The following LRRC7 variants were observed in gnomAD, a reference collection of about 807,000 sequenced individuals.
LRRC7 encodes the protein leucine-rich repeat-containing protein 7.
Under a neutral mutation model 175.7 loss-of-function variants are expected in LRRC7, and 23 were observed. That is an observed-to-expected ratio of 0.13 (90% CI 0.09 to 0.19). LRRC7 has a LOEUF of 0.19. LRRC7 is among the 10% of genes least tolerant of loss of function. The pLI, the probability that LRRC7 is intolerant of heterozygous loss-of-function variation, is 1.00. For synonymous variants in LRRC7, 685 were observed against 680.9 expected (o/e 1.01, Z -0.09); for missense variants, 1,354 against 1,904.7 (o/e 0.71, Z 5.38).
intron 1 of LRRC7, among the ~76,000 whole-genome samples, chr1:69,614,867 C>T (rs1034606648): frequency 6.6e-6 from 1 of 152,044 alleles, no homozygotes; most frequent in Non-Finnish European, 1.5e-5. Context: ...ACAGACTAGG[C>T]ATGGGTTCTA....
At chr1:69,813,303 A>ATG (rs1224513925) in intron 4 of LRRC7, among the ~76,000 whole-genome samples, 5 of 152,056 alleles carry the variant, frequency 3.3e-5, no homozygotes, top group African/African-American at 1.2e-4. Context: ...TCAACTCTCT[A>ATG]AGTAGTGCTG....
intron 2 of LRRC7, among the ~76,000 whole-genome samples, chr1:69,721,799 T>C (rs1191943026): frequency 1.3e-5 from 2 of 151,886 alleles, no homozygotes; most frequent in Non-Finnish European, 2.9e-5. Context: ...AGGTACAGAC[T>C]TGTTGAGAAA....
intron 2 of LRRC7, among the ~76,000 whole-genome samples, chr1:69,732,160 G>T (rs1667644009): frequency 6.6e-6 from 1 of 151,958 alleles, no homozygotes; most frequent in Admixed American, 6.6e-5. Context: ...ATAATAATTA[G>T]CTAGTTTTTA....
chr1:69,643,114 G>C (rs1654484323), intron 1 of LRRC7, among the ~76,000 whole-genome samples: 1 of 152,074 alleles, frequency 6.6e-6, no homozygotes, highest in Non-Finnish European at 1.5e-5. Flanking sequence ...GTCCAAGGGT[G>C]GGAGAAAATG....
intron 24 of LRRC7, among the ~76,000 whole-genome samples, chr1:70,079,916 T>C (rs918000014): frequency 3.1e-4 from 47 of 152,350 alleles, no homozygotes; most frequent in African/African-American, 1.0e-3. Flanking sequence ...AATAATCTTA[T>C]TTTCTTTTTA....
chr1:69,585,809 G>GT (rs1646380815), intron 1 of LRRC7, among the ~76,000 whole-genome samples: 1 of 152,204 alleles, frequency 6.6e-6, no homozygotes, highest in Non-Finnish European at 1.5e-5. Context: ...CCAGCCACCA[G>GT]TGAGTTCAGA....
At chr1:70,102,791 C>G (rs1443505637) in intron 25 of LRRC7, among the ~76,000 whole-genome samples, 2 of 152,076 alleles carry the variant, frequency 1.3e-5, no homozygotes, top group Non-Finnish European at 2.9e-5. Flanking sequence ...ATTTATTAAC[C>G]CATTGTACTG....
intron 4 of LRRC7, among the ~76,000 whole-genome samples, chr1:69,821,632 G>A (rs574155911): frequency 3.3e-5 from 5 of 151,966 alleles, no homozygotes; most frequent in East Asian, 1.9e-4. Context: ...GGTGGCTCTC[G>A]CCTGTAATCC....
chr1:69,756,330 G>T (rs755427433), intron 2 of LRRC7, among the ~76,000 whole-genome samples: 2 of 151,640 alleles, frequency 1.3e-5, no homozygotes, highest in Admixed American at 6.6e-5. Context: ...ACAGAAAAAT[G>T]ATTTTTTTTA....
chr1:69,985,569 C>T (rs1283387481), intron 9 of LRRC7, among the ~76,000 whole-genome samples: 3 of 152,194 alleles, frequency 2.0e-5, no homozygotes, highest in Non-Finnish European at 4.4e-5. Flanking sequence ...ACCATCACCA[C>T]AATCTAATTT....
chr1:69,906,018 G>C (rs1454458909), intron 7 of LRRC7, among the ~76,000 whole-genome samples: 1 of 152,250 alleles, frequency 6.6e-6, no homozygotes, highest in African/African-American at 2.4e-5. Context: ...GTGATGGCGA[G>C]CATTTGTTCA....
At chr1:69,856,416 A>T (rs1683633704) in intron 7 of LRRC7, among the ~76,000 whole-genome samples, 1 of 152,176 alleles carries the variant, frequency 6.6e-6, no homozygotes, top group Non-Finnish European at 1.5e-5. Flanking sequence ...TGCAATAAAA[A>T]ATGATAAAGG....
chr1:69,994,918 A>G (rs978265470), intron 11 of LRRC7, among the ~76,000 whole-genome samples: 1 of 152,076 alleles, frequency 6.6e-6, no homozygotes. Flanking sequence ...TCTTGCTGAT[A>G]TTTTTCAGAT....
intron 1 of LRRC7, among the ~76,000 whole-genome samples, chr1:69,669,113 G>A (rs140255425): frequency 0.017 from 2,634 of 151,906 alleles, 66 homozygotes; most frequent in African/African-American, 0.06. Context: ...TTTATACACC[G>A]CAGTTACAGT....
At position 69,647,557 on chromosome 1, in the gene LRRC7, C is replaced by T. The variant is rs545301672; in HGVS notation, c.3-30824C>T. On this transcript the variant is annotated intron_variant, in intron 1 of 26. Transcript: ENST00000651989. ...TATTTTGTATCTAATGTTTTCCATT[C>T]CTTCTACAATTTATTTAGTGTAGAT... 7.2e-5 allele frequency among the ~76,000 whole-genome samples: 11 copies of T among 152,186 alleles called. No homozygotes were observed. The South Asian group carries it at 2.3e-3, about 32-fold the overall frequency.
At chr1:69,841,495 T>A (rs550443675) in intron 7 of LRRC7, among the ~76,000 whole-genome samples, 2 of 152,196 alleles carry the variant, frequency 1.3e-5, no homozygotes, top group East Asian at 3.9e-4. Flanking sequence ...CAGGTCTGGT[T>A]CTCAGCATTG....
chr1:69,872,971 AT>A (rs1045352172), intron 7 of LRRC7, among the ~76,000 whole-genome samples: 3 of 152,188 alleles, frequency 2.0e-5, no homozygotes, highest in African/African-American at 7.2e-5. Context: ...TAGAAGGGAA[AT>A]TCATAAATTT....
Position 70,135,081 on chromosome 1 carries a change from A to T in LRRC7, c.*13194A>T, listed in dbSNP as rs1366360506. Among the ~76,000 whole-genome samples, 2 of 152,192 alleles carry T rather than the reference A, an allele frequency of 1.3e-5. No individual in the cohort carries two copies. Among genetic ancestry groups the T allele is most frequent in the East Asian group, 1.9e-4 (1 of 5,188 alleles). Reference sequence around the variant, plus strand: ...AAGAGAAAACGTCTTGAAAGTTTGTATGTATGTATTCCAGTTGCGCTTTTT... The same window carrying T: ...AAGAGAAAACGTCTTGAAAGTTTGTTTGTATGTATTCCAGTTGCGCTTTTT... On this transcript the variant is annotated 3_prime_UTR_variant, in exon 27 of 27. Transcript: ENST00000651989.
intron 2 of LRRC7, among the ~76,000 whole-genome samples, chr1:69,688,669 A>G (rs1216504790): frequency 6.7e-6 from 1 of 149,666 alleles, no homozygotes; most frequent in African/African-American, 2.5e-5. Flanking sequence ...TAGAAGCCTT[A>G]GGAAAATACT....
Sources: gnomAD v4.1 joint callset for allele counts (sites outside exome capture counted in the v4.1 genomes callset) on GRCh38, gnomAD v4.1.1 for gene constraint, MANE v1.5 for transcripts, NCBI Gene and HGNC (gene_info 2026-07-23, HGNC 2026-07-21) for gene names.